SCHIP1: variants seen among roughly 807,000 people sequenced by gnomAD.
The protein encoded by SCHIP1 is schwannomin interacting protein 1, also known as schwannomin-interacting protein 1.
Under a neutral mutation model 29.7 loss-of-function variants are expected in SCHIP1, and 8 were observed. The ratio of observed to expected loss-of-function variants is 0.27; its 90% confidence interval spans 0.16 to 0.49. The LOEUF (loss-of-function observed/expected upper bound fraction) is 0.49, where lower values mean the gene tolerates loss of function less well. Among genes scored for constraint, SCHIP1 ranks in the 20% least tolerant of loss-of-function variants. SCHIP1 has a pLI of 0.99. For synonymous variants in SCHIP1, 76 were observed against 94.9 expected, an observed-to-expected ratio of 0.80 and a Z score of 1.16; for missense variants, 193 against 294.6, an observed-to-expected ratio of 0.66 and a Z score of 2.52.
chr3:159,495,547 C>G, the SCHIP1 span, among the ~76,000 whole-genome samples: 2 of 152,180 alleles, frequency 1.3e-5, no homozygotes, highest in Non-Finnish European at 2.9e-5. Flanking sequence ...ATCCAACTTA[C>G]AAGGGATGTG....
At chr3:159,542,073 C>T in the SCHIP1 span, among the ~76,000 whole-genome samples, 2 of 151,954 alleles carry the variant, frequency 1.3e-5, no homozygotes, top group South Asian at 4.1e-4. Flanking sequence ...TTTGTATTTT[C>T]TCTTATAAAT....
At chr3:159,610,987 A>T in the SCHIP1 span, among the ~76,000 whole-genome samples, 1 of 152,140 alleles carries the variant, frequency 6.6e-6, no homozygotes, top group Non-Finnish European at 1.5e-5. Context: ...TTATTATGAC[A>T]TTTTACCCTC....
intron 2 of SCHIP1, among the ~76,000 whole-genome samples, chr3:159,872,144 A>T (rs1043599959): frequency 1.6e-4 from 24 of 152,126 alleles, no homozygotes; most frequent in Non-Finnish European, 3.4e-4. Context: ...TTCTTTGTGC[A>T]TATAGATTTG....
chr3:159,575,066 G>T, the SCHIP1 span, among the ~76,000 whole-genome samples: 1 of 152,216 alleles, frequency 6.6e-6, no homozygotes, highest in Non-Finnish European at 1.5e-5. Flanking sequence ...TCCAGGGTGA[G>T]GTGATGCCCC....
At chr3:159,652,704 C>A in the SCHIP1 span, among the ~76,000 whole-genome samples, 2 of 151,994 alleles carry the variant, frequency 1.3e-5, no homozygotes, top group African/African-American at 4.8e-5. Context: ...TGAGCTGAAA[C>A]CAGAAGGGCA....
chr3:159,641,831 C>T, the SCHIP1 span, among the ~76,000 whole-genome samples: 2 of 152,060 alleles, frequency 1.3e-5, no homozygotes, highest in Non-Finnish European at 2.9e-5. Flanking sequence ...TCTTTATGGA[C>T]AGTTTATTGT....
the SCHIP1 span, among the ~76,000 whole-genome samples, chr3:159,421,145 C>T: frequency 2.0e-5 from 3 of 152,198 alleles, no homozygotes; most frequent in African/African-American, 4.8e-5. Flanking sequence ...GACATCTTTA[C>T]CTGCTGTGTT....
chr3:159,487,948 A>G, the SCHIP1 span, among the ~76,000 whole-genome samples: 4 of 152,366 alleles, frequency 2.6e-5, no homozygotes, highest in South Asian at 8.3e-4. Context: ...ATGATCTTAA[A>G]TACATTTATC....
At chr3:159,288,843 G>A in the SCHIP1 span, among the ~76,000 whole-genome samples, 1 of 152,188 alleles carries the variant, frequency 6.6e-6, no homozygotes, top group Non-Finnish European at 1.5e-5. Flanking sequence ...TCTGATTGTG[G>A]TGAGGGTAGT....
the SCHIP1 span, among the ~76,000 whole-genome samples, chr3:159,601,781 T>C: frequency 2.0e-5 from 3 of 152,244 alleles, no homozygotes; most frequent in Non-Finnish European, 2.9e-5. Flanking sequence ...TAGTACTCCC[T>C]GTGGACTAGA....
the SCHIP1 span, among the ~76,000 whole-genome samples, chr3:159,304,998 C>T: frequency 6.6e-6 from 1 of 152,150 alleles, no homozygotes; most frequent in Non-Finnish European, 1.5e-5. Flanking sequence ...ATAGAGATCT[C>T]TTCTTCCCAT....
chr3:159,592,207 A>G, the SCHIP1 span, among the ~76,000 whole-genome samples: 2 of 152,158 alleles, frequency 1.3e-5, no homozygotes, highest in East Asian at 3.9e-4. Context: ...CTCATTTCCC[A>G]TTCTTTTTTG....
chr3:159,773,302 G>A, the SCHIP1 span, among the ~76,000 whole-genome samples: 6 of 152,174 alleles, frequency 3.9e-5, no homozygotes, highest in Non-Finnish European at 8.8e-5. Flanking sequence ...ATTTTCAATA[G>A]AAGGGTAATA....
the SCHIP1 span, among the ~76,000 whole-genome samples, chr3:159,714,453 C>T: frequency 4.6e-5 from 7 of 152,174 alleles, no homozygotes; most frequent in African/African-American, 7.2e-5. Flanking sequence ...TTTCCTCACC[C>T]GGGAAGTGCA....
the SCHIP1 span, among the ~76,000 whole-genome samples, chr3:159,290,552 A>G: frequency 3.9e-5 from 6 of 152,188 alleles, no homozygotes; most frequent in East Asian, 9.6e-4. Context: ...GGGAATCTCT[A>G]AAAACAGAAA....
At chr3:159,345,554 T>TTCTC in the SCHIP1 span, among the ~76,000 whole-genome samples, 107 of 93,512 alleles carry the variant, frequency 1.1e-3, no homozygotes, top group East Asian at 3.1e-3. Flanking sequence ...GTGTCTCTCT[T>TTCTC]TCTCTCTCTC....
At chr3:159,368,894 C>G in the SCHIP1 span, among the ~76,000 whole-genome samples, 1 of 152,130 alleles carries the variant, frequency 6.6e-6, no homozygotes, top group African/African-American at 2.4e-5. Context: ...TGAGTGTAAC[C>G]AAATTAATAC....
chr3:159,610,959 T>C, the SCHIP1 span, among the ~76,000 whole-genome samples: 1 of 152,102 alleles, frequency 6.6e-6, no homozygotes, highest in African/African-American at 2.4e-5. Flanking sequence ...GTTCACAGAT[T>C]TAAAAATAAT....
the SCHIP1 span, among the ~76,000 whole-genome samples, chr3:159,435,903 G>C: frequency 9.2e-5 from 14 of 152,074 alleles, no homozygotes; most frequent in African/African-American, 3.4e-4. Context: ...TTCTTTCAGA[G>C]CCCAAGTTTA....
Sources: allele counts gnomAD v4.1 joint callset (sites outside exome capture counted in the v4.1 genomes callset), GRCh38; gene constraint gnomAD v4.1.1; transcripts MANE v1.5; gene names NCBI Gene and HGNC (gene_info 2026-07-23, HGNC 2026-07-21).